ATRNL1: variants seen among roughly 807,000 people sequenced by gnomAD.
ATRNL1 encodes attractin-like protein 1.
ATRNL1 carries 95 observed loss-of-function variants against 182.7 expected under a neutral mutation model. That is an observed-to-expected ratio of 0.52 (90% CI 0.44 to 0.62). The LOEUF is 0.62. ATRNL1 is among the 20% of genes least tolerant of loss of function. ATRNL1 has a pLI of 0.00. For missense variants in ATRNL1, 1,471 were observed against 1,679.5 expected (o/e 0.88, Z 2.17); for synonymous variants, 576 against 568.3 (o/e 1.01, Z -0.19).
intron 26 of ATRNL1, among the ~76,000 whole-genome samples, chr10:115,677,317 G>A (rs1250545294): frequency 6.6e-6 from 1 of 152,014 alleles, no homozygotes; most frequent in Admixed American, 6.6e-5. Context: ...GTTTGATACA[G>A]GAAAATCCCT....
At chr10:115,193,191 C>T (rs1447025814) in intron 8 of ATRNL1, among the ~76,000 whole-genome samples, 9 of 151,972 alleles carry the variant, frequency 5.9e-5, no homozygotes, top group African/African-American at 2.2e-4. Flanking sequence ...ATGATACTAG[C>T]TGTGGGTTTG....
chr10:115,668,783 C>G (rs1399111610), intron 26 of ATRNL1, among the ~76,000 whole-genome samples: 1 of 152,102 alleles, frequency 6.6e-6, no homozygotes, highest in African/African-American at 2.4e-5. Flanking sequence ...GAATTCACTA[C>G]TTTTACTACT....
chr10:115,123,375 T>A (rs575370682), intron 3 of ATRNL1, among the ~76,000 whole-genome samples: 1 of 152,328 alleles, frequency 6.6e-6, no homozygotes, highest in African/African-American at 2.4e-5. Context: ...TTCTAATAGA[T>A]GGTAGAGCTA....
chr10:115,721,511 T>TG (rs1418596542), intron 26 of ATRNL1, among the ~76,000 whole-genome samples: 1 of 152,076 alleles, frequency 6.6e-6, no homozygotes, highest in African/African-American at 2.4e-5. Flanking sequence ...AGAATCATGG[T>TG]GGGGGGCCAA....
intron 9 of ATRNL1, among the ~76,000 whole-genome samples, chr10:115,225,500 A>ATAATATAATATAATG: frequency 6.7e-6 from 1 of 148,562 alleles, no homozygotes; most frequent in Non-Finnish European, 1.5e-5. Flanking sequence ...ATAATATAAT[A>ATAATATAATATAATG]TAATATGTAT....
chr10:115,265,308 G>T (rs1339255450), intron 11 of ATRNL1, 31 bp downstream of exon 11: 3 of 1,374,304 alleles, frequency 2.2e-6, no homozygotes, highest in Non-Finnish European at 3.1e-6. Context: ...ATTTTTAGAG[G>T]GTCACTTATA....
chr10:115,863,437 C>A (rs1389149533), intron 28 of ATRNL1, among the ~76,000 whole-genome samples: 2 of 152,266 alleles, frequency 1.3e-5, no homozygotes, highest in Admixed American at 6.5e-5. Context: ...CATGGACCAG[C>A]AATTCTGACA....
intron 26 of ATRNL1, among the ~76,000 whole-genome samples, chr10:115,643,975 AG>A (rs1243026178): frequency 1.3e-5 from 2 of 152,326 alleles, no homozygotes; most frequent in Non-Finnish European, 2.9e-5. Flanking sequence ...TTTACCCCAA[AG>A]AAGCAAGAAC....
chr10:115,708,658 C>T (rs1275902646), intron 26 of ATRNL1, among the ~76,000 whole-genome samples: 5 of 151,580 alleles, frequency 3.3e-5, no homozygotes, highest in Admixed American at 1.3e-4. Context: ...GGTATGCTTG[C>T]GTCATTTCCA....
At chr10:115,281,918 T>C (rs2133926512) in intron 14 of ATRNL1, among the ~76,000 whole-genome samples, 1 of 148,072 alleles carries the variant, frequency 6.8e-6, no homozygotes, top group East Asian at 2.0e-4. Context: ...TAGAACATAT[T>C]AATTATATAT....
intron 5 of ATRNL1, among the ~76,000 whole-genome samples, 155 bp downstream of exon 5, chr10:115,129,690 T>G (rs552703173): frequency 2.5e-4 from 38 of 152,346 alleles, no homozygotes; most frequent in Middle Eastern, 3.4e-3. Context: ...ATCAACTTCT[T>G]AATAATTTTT....
chr10:115,856,305 G>A (rs1425596242), intron 28 of ATRNL1, among the ~76,000 whole-genome samples: 7 of 151,678 alleles, frequency 4.6e-5, no homozygotes, highest in South Asian at 2.1e-4. Flanking sequence ...GCAGATGCCC[G>A]TAATCCCAGC....
intron 21 of ATRNL1, among the ~76,000 whole-genome samples, chr10:115,460,604 A>T (rs576458387): frequency 7.2e-5 from 11 of 152,136 alleles, no homozygotes; most frequent in African/African-American, 2.6e-4. Flanking sequence ...AATCACAGTT[A>T]AGGCTTGCTT....
intron 10 of ATRNL1, among the ~76,000 whole-genome samples, chr10:115,242,974 C>T (rs1850484667): frequency 1.3e-5 from 2 of 152,048 alleles, no homozygotes; most frequent in South Asian, 4.1e-4. Context: ...GTGACTTTAT[C>T]TCATTGCTAG....
chr10:115,466,887 G>T (rs1554970909), intron 22 of ATRNL1, among the ~76,000 whole-genome samples: 1 of 150,972 alleles, frequency 6.6e-6, no homozygotes, highest in Admixed American at 6.6e-5. Flanking sequence ...CTACAGCTAA[G>T]CAAAGAGAAT....
intron 19 of ATRNL1, among the ~76,000 whole-genome samples, chr10:115,370,837 A>G (rs1283411875): frequency 1.3e-5 from 2 of 152,196 alleles, no homozygotes; most frequent in African/African-American, 4.8e-5. Flanking sequence ...GTGGGGGGAA[A>G]TGTCTCCAGG....
chr10:115,399,169 T>A (rs1175125958), intron 20 of ATRNL1, among the ~76,000 whole-genome samples: 1 of 152,110 alleles, frequency 6.6e-6, no homozygotes, highest in East Asian at 1.9e-4. Flanking sequence ...ATTTTCTTTT[T>A]TTGTTGTGTC....
intron 26 of ATRNL1, among the ~76,000 whole-genome samples, chr10:115,599,685 A>T (rs1430112914): frequency 6.6e-6 from 1 of 152,178 alleles, no homozygotes; most frequent in Non-Finnish European, 1.5e-5. Flanking sequence ...CAAAAGGCAA[A>T]TGGAAATTTG....
chr10:115,102,040 G>C (rs949329257), intron 1 of ATRNL1, among the ~76,000 whole-genome samples: 9 of 152,132 alleles, frequency 5.9e-5, no homozygotes, highest in Non-Finnish European at 1.2e-4. Context: ...TGATAGTCTT[G>C]TTCAAGTCTT....
Sources: gnomAD v4.1 joint callset for allele counts (sites outside exome capture counted in the v4.1 genomes callset) on GRCh38, gnomAD v4.1.1 for gene constraint, MANE v1.5 for transcripts, NCBI Gene and HGNC (gene_info 2026-07-23, HGNC 2026-07-21) for gene names.